The following C4orf36 variants were observed in gnomAD, a reference collection of about 807,000 sequenced individuals.
The protein encoded by C4orf36 is uncharacterized protein C4orf36.
A neutral mutation model predicts 12.2 loss-of-function variants in C4orf36; 11 were observed. The observed-to-expected ratio is 0.90, with a 90% CI of 0.57 to 1.49. The LOEUF is 1.49. C4orf36 is among the 40% of genes most tolerant of loss of function. The pLI is 0.00. For synonymous variants in C4orf36, 54 were observed against 51.3 expected, an observed-to-expected ratio of 1.05 and a Z score of -0.22; for missense variants, 137 against 133.9, an observed-to-expected ratio of 1.02 and a Z score of -0.11.
chr4:86,904,209 G>A, the C4orf36 span, among the ~76,000 whole-genome samples: 1 of 152,194 alleles, frequency 6.6e-6, no homozygotes, highest in Non-Finnish European at 1.5e-5. Context: ...CCCAGTGCGG[G>A]GCCAGCCGAG....
the C4orf36 span, among the ~76,000 whole-genome samples, chr4:86,923,549 G>C: frequency 1.3e-5 from 2 of 152,094 alleles, no homozygotes; most frequent in African/African-American, 4.8e-5. Context: ...CCTGAGGTCG[G>C]GAGTTTGAGA....
the C4orf36 span, among the ~76,000 whole-genome samples, chr4:86,918,191 C>A: frequency 8.6e-3 from 1,314 of 152,340 alleles, 25 homozygotes; most frequent in African/African-American, 0.03. Context: ...GGCCCCACTT[C>A]CAAATACTAT....
the C4orf36 span, among the ~76,000 whole-genome samples, chr4:86,928,103 CTA>C: frequency 4.6e-5 from 7 of 152,200 alleles, no homozygotes; most frequent in Non-Finnish European, 8.8e-5. Context: ...TGATTCGTAG[CTA>C]TTTGTCAAAC....
At chr4:86,884,092 T>A (rs1040814843) in intron 4 of C4orf36, among the ~76,000 whole-genome samples, 1 of 152,162 alleles carries the variant, frequency 6.6e-6, no homozygotes, top group Non-Finnish European at 1.5e-5. Context: ...CCAAGTGTGC[T>A]TTATTGGATT....
At chr4:86,913,885 G>A in the C4orf36 span, 17 of 980,072 alleles carry the variant, frequency 1.7e-5, no homozygotes, top group Non-Finnish European at 2.7e-5. Context: ...CTGGAGTGCA[G>A]TGGCACGATC....
the C4orf36 span, among the ~76,000 whole-genome samples, chr4:86,933,966 T>C: frequency 2.6e-5 from 4 of 152,310 alleles, no homozygotes; most frequent in African/African-American, 9.6e-5. Context: ...AATTTGGAAA[T>C]GCAAATATCC....
At position 86,878,956 on chromosome 4, in the gene C4orf36, G is replaced by A. The variant is rs117518111; in HGVS notation, c.*3-2513C>T. On this transcript the variant is annotated intron_variant, in intron 4 of 4. Transcript: ENST00000295898. ...CAAGCCCAGAGAAGATGCATTCCCA[G>A]AAAGGTTTGGGAGGTCGCCATACAC... Among the ~76,000 whole-genome samples the A allele has an allele frequency of 2.8e-4, 43 of 152,326 alleles. No individual in the cohort carries two copies. In the East Asian group the frequency reaches 6.9e-3, roughly 25 times the overall value.
At chr4:86,902,999 A>T in the C4orf36 span, among the ~76,000 whole-genome samples, 1 of 152,222 alleles carries the variant, frequency 6.6e-6, no homozygotes, top group Non-Finnish European at 1.5e-5. Context: ...TTTGGAAGGT[A>T]CATGGTGGCT....
intron 2 of C4orf36, chr4:86,890,123 T>C (rs773670716): frequency 4.5e-6 from 2 of 440,628 alleles, no homozygotes; most frequent in East Asian, 1.4e-4. Context: ...GCCCAGGAGG[T>C]GCACAACATT....
intron 4 of C4orf36, among the ~76,000 whole-genome samples, chr4:86,879,851 CTTT>C (rs34363324): frequency 2.0e-4 from 28 of 137,314 alleles, no homozygotes; most frequent in Admixed American, 2.9e-4. Context: ...TGTTTTGTTT[CTTT>C]TTTTTTTTTT....
chr4:86,933,512 G>A, the C4orf36 span: 1 of 152,088 alleles, frequency 6.6e-6, no homozygotes, highest in Non-Finnish European at 1.5e-5. Flanking sequence ...TTACTAAGTT[G>A]ACCACAGTTT....
the C4orf36 span, chr4:86,914,695 C>T: frequency 2.6e-6 from 1 of 377,722 alleles, no homozygotes; most frequent in Admixed American, 3.9e-5. Context: ...GCCACAGCGC[C>T]CGGCTCCGTT....
At chr4:86,935,959 G>A in the C4orf36 span, 1 of 152,318 alleles carries the variant, frequency 6.6e-6, no homozygotes, top group Non-Finnish European at 1.5e-5. Context: ...AGAGGGGAGA[G>A]AAGGTGGAGA....
At chr4:86,927,036 G>C in the C4orf36 span, among the ~76,000 whole-genome samples, 4 of 152,206 alleles carry the variant, frequency 2.6e-5, no homozygotes, top group African/African-American at 9.6e-5. Flanking sequence ...TTGTGACAGA[G>C]ACCATGTGGC....
the C4orf36 span, chr4:86,925,877 T>C: frequency 6.9e-6 from 1 of 145,442 alleles, no homozygotes; most frequent in African/African-American, 2.5e-5. Context: ...TTTTTTTCCT[T>C]TTTTTTTTTT....
intron 4 of C4orf36, among the ~76,000 whole-genome samples, chr4:86,877,626 G>C (rs1483098939): frequency 6.6e-6 from 1 of 152,126 alleles, no homozygotes; most frequent in Non-Finnish European, 1.5e-5. Context: ...AATCAAATGA[G>C]TCACTCACAT....
the C4orf36 span, among the ~76,000 whole-genome samples, chr4:86,908,219 G>A: frequency 2.0e-5 from 2 of 99,544 alleles, no homozygotes; most frequent in African/African-American, 6.5e-5. Context: ...ACACACACAC[G>A]TTGCTGGTGT....
chr4:86,933,187 T>C, the C4orf36 span: 1 of 152,192 alleles, frequency 6.6e-6, no homozygotes, highest in East Asian at 1.9e-4. Flanking sequence ...TTATTCATTA[T>C]CAGAAAATTA....
the C4orf36 span, among the ~76,000 whole-genome samples, chr4:86,897,784 C>T: frequency 6.6e-6 from 1 of 152,106 alleles, no homozygotes; most frequent in Non-Finnish European, 1.5e-5. Context: ...GCCTAGGATC[C>T]TCTGCAGAGC....
Sources: gnomAD v4.1 joint callset for allele counts (sites outside exome capture counted in the v4.1 genomes callset) on GRCh38, gnomAD v4.1.1 for gene constraint, MANE v1.5 for transcripts, NCBI Gene and HGNC (gene_info 2026-07-23, HGNC 2026-07-21) for gene names.